Variants in ENOX2 observed in about 807,000 individuals in gnomAD.
The protein encoded by ENOX2 is ecto-NOX disulfide-thiol exchanger 2, also known as APK1 antigen.
Under a neutral mutation model 45.0 loss-of-function variants are expected in ENOX2, and 36 were observed. The observed-to-expected ratio is 0.80, with a 90% CI of 0.61 to 1.06. The LOEUF (loss-of-function observed/expected upper bound fraction) is 1.06, where lower values mean the gene tolerates loss of function less well. Among genes scored for constraint, ENOX2 ranks in the 50% least tolerant of loss-of-function variants. ENOX2 has a pLI of 0.00. For missense variants in ENOX2, 423 were observed against 462.5 expected (o/e 0.91, Z 0.78); for synonymous variants, 174 against 152.3 (o/e 1.14, Z -1.05).
chrX:130,726,412 A>G (rs1307154414), intron 3 of ENOX2, among the ~76,000 whole-genome samples: 1 of 112,475 alleles, frequency 8.9e-6, no homozygotes, highest in African/African-American at 3.2e-5. Context: ...CTGACCAGAC[A>G]GTTACAGGCT....
At chrX:130,709,084 T>C (rs749609218) in intron 3 of ENOX2, among the ~76,000 whole-genome samples, 3 of 112,069 alleles carry the variant, frequency 2.7e-5, no homozygotes, top group Non-Finnish European at 3.8e-5. Context: ...TGAAAGTCCA[T>C]GTAGCAGCCA....
intron 4 of ENOX2, among the ~76,000 whole-genome samples, chrX:130,697,845 A>G (rs1303907377): frequency 8.9e-6 from 1 of 112,089 alleles, no homozygotes. Context: ...AACGTCATGA[A>G]ATTCTTATCT....
chrX:130,641,932 T>C (rs954301856), intron 10 of ENOX2, among the ~76,000 whole-genome samples: 13 of 111,405 alleles, frequency 1.2e-4, no homozygotes, highest in African/African-American at 2.9e-4. Context: ...CCCAAGAATA[T>C]TGATGGAGAA....
At chrX:130,886,745 G>T (rs181466795) in intron 2 of ENOX2, among the ~76,000 whole-genome samples, 1 of 111,768 alleles carries the variant, frequency 8.9e-6, no homozygotes, top group Non-Finnish European at 1.9e-5. Context: ...CCAAACAGAT[G>T]TGTCCTGGAA....
At chrX:130,736,673 G>A (rs1468323007) in intron 3 of ENOX2, among the ~76,000 whole-genome samples, 1 of 111,522 alleles carries the variant, frequency 9.0e-6, no homozygotes, top group Non-Finnish European at 1.9e-5. Flanking sequence ...TTGCCTATAG[G>A]TGGTATTTAC....
chrX:130,874,770 G>A (rs892376706), intron 2 of ENOX2, among the ~76,000 whole-genome samples: 16 of 111,299 alleles, frequency 1.4e-4, no homozygotes, highest in Non-Finnish European at 2.6e-4. Context: ...ATATCTGCAT[G>A]CAAGGATTAA....
At chrX:130,685,032 A>T (rs1051103947) in intron 5 of ENOX2, among the ~76,000 whole-genome samples, 9 of 112,228 alleles carry the variant, frequency 8.0e-5, no homozygotes, top group Non-Finnish European at 1.7e-4. Flanking sequence ...CAGAGAGATA[A>T]TTTTTAAATA....
At chrX:130,825,610 GA>G (rs1320719814) in intron 2 of ENOX2, among the ~76,000 whole-genome samples, 2 of 111,657 alleles carry the variant, frequency 1.8e-5, no homozygotes, top group Non-Finnish European at 3.8e-5. Flanking sequence ...ATATTAAATG[GA>G]AAATTCCAGA....
intron 2 of ENOX2, among the ~76,000 whole-genome samples, chrX:130,850,945 T>G (rs1300746448): frequency 2.7e-5 from 3 of 112,403 alleles, no homozygotes; most frequent in Non-Finnish European, 5.6e-5. Context: ...AGCAGGCACT[T>G]AAGTGAAATT....
intron 2 of ENOX2, among the ~76,000 whole-genome samples, chrX:130,854,206 T>C (rs925595606): frequency 2.7e-5 from 3 of 110,649 alleles, no homozygotes; most frequent in Non-Finnish European, 5.7e-5. Flanking sequence ...AAATAAAAGA[T>C]GTAAAGAAAA....
intron 2 of ENOX2, among the ~76,000 whole-genome samples, chrX:130,892,494 C>T (rs1379697046): frequency 8.9e-6 from 1 of 112,416 alleles, no homozygotes; most frequent in African/African-American, 3.2e-5. Context: ...CAAGCCCTGG[C>T]TTCTTTCCTA....
chrX:130,659,294 C>T (rs951913297), intron 9 of ENOX2, among the ~76,000 whole-genome samples: 5 of 111,878 alleles, frequency 4.5e-5, no homozygotes, highest in Non-Finnish European at 9.4e-5. Flanking sequence ...TAAGTTTTCA[C>T]TAAAAATAAA....
intron 12 of ENOX2, among the ~76,000 whole-genome samples, chrX:130,634,542 C>T (rs1731585701): frequency 8.9e-6 from 1 of 111,762 alleles, no homozygotes; most frequent in African/African-American, 3.3e-5. Flanking sequence ...TGCAGCTGCT[C>T]ATTATTACAC....
At chrX:130,881,455 C>A (rs996701005) in intron 2 of ENOX2, among the ~76,000 whole-genome samples, 2 of 112,293 alleles carry the variant, frequency 1.8e-5, no homozygotes. Context: ...GGGGAGTTTG[C>A]TAAATGCAGA....
At chrX:130,668,623 C>T (rs2036899995) in intron 7 of ENOX2, among the ~76,000 whole-genome samples, 1 of 111,667 alleles carries the variant, frequency 9.0e-6, no homozygotes, top group South Asian at 3.8e-4. Flanking sequence ...ACATTTGGAT[C>T]TATTGAAGCC....
At chrX:130,724,014 T>A (rs896004631) in intron 3 of ENOX2, among the ~76,000 whole-genome samples, 1 of 112,021 alleles carries the variant, frequency 8.9e-6, no homozygotes, top group African/African-American at 3.2e-5. Context: ...CATAACTCTA[T>A]CAGTTTTTGT....
chrX:130,745,943 A>G (rs1433285156), intron 3 of ENOX2, among the ~76,000 whole-genome samples: 2 of 112,253 alleles, frequency 1.8e-5, no homozygotes, highest in Non-Finnish European at 3.8e-5. Flanking sequence ...AGGAGAGACA[A>G]AAGATGGCAC....
chrX:130,800,176 A>G (rs1603353038), intron 2 of ENOX2, among the ~76,000 whole-genome samples: 2 of 111,577 alleles, frequency 1.8e-5, no homozygotes, highest in South Asian at 7.5e-4. Context: ...AAACACACTG[A>G]CATAATGACA....
At chrX:130,899,087 T>C (rs1034985487) in intron 2 of ENOX2, among the ~76,000 whole-genome samples, 3 of 109,842 alleles carry the variant, frequency 2.7e-5, no homozygotes, top group Non-Finnish European at 5.7e-5. Context: ...AGCAGCAAAG[T>C]AATGGGCAGG....
Sources: allele counts gnomAD v4.1 joint callset (sites outside exome capture counted in the v4.1 genomes callset), GRCh38; gene constraint gnomAD v4.1.1; transcripts MANE v1.5; gene names NCBI Gene and HGNC (gene_info 2026-07-23, HGNC 2026-07-21).